The following TBL1XR1 variants were observed in gnomAD, a reference collection of about 807,000 sequenced individuals.
TBL1XR1 encodes the protein TBL1X/Y related 1.
Under a neutral mutation model 66.9 loss-of-function variants are expected in TBL1XR1, and 5 were observed. The ratio of observed to expected loss-of-function variants is 0.07; its 90% confidence interval spans 0.04 to 0.16. The LOEUF is 0.16. Among genes scored for constraint, TBL1XR1 ranks in the 10% least tolerant of loss-of-function variants. The probability of loss-of-function intolerance (pLI) is 1.00; values close to 1 mark genes in which losing one functional copy is unlikely to be tolerated. For missense variants in TBL1XR1, 238 were observed against 623.2 expected (o/e 0.38, Z 6.58); for synonymous variants, 210 against 206.0 (o/e 1.02, Z -0.17).
upstream of TBL1XR1, among the ~76,000 whole-genome samples, chr3:177,198,865 GACACACACACACACACACAC>G (rs57636923): frequency 2.8e-4 from 41 of 148,180 alleles, no homozygotes; most frequent in South Asian, 1.8e-3. Context: ...GAAGTTTTGC[GACACACACACACACACACAC>G]ACACACACAC....
chr3:177,150,420 T>A (rs1730747291), intron 1 of TBL1XR1, among the ~76,000 whole-genome samples: 1 of 152,194 alleles, frequency 6.6e-6, no homozygotes, highest in Non-Finnish European at 1.5e-5. Context: ...CCAAGCAGGA[T>A]GGATGCCTTC....
intron 1 of TBL1XR1, among the ~76,000 whole-genome samples, chr3:177,123,840 C>G (rs1226360825): frequency 6.6e-6 from 1 of 151,928 alleles, no homozygotes; most frequent in Admixed American, 6.6e-5. Flanking sequence ...GAACATAATT[C>G]CCTGAATCAG....
chr3:177,151,078 T>G (rs922523695), intron 1 of TBL1XR1, among the ~76,000 whole-genome samples: 1 of 152,214 alleles, frequency 6.6e-6, no homozygotes, highest in African/African-American at 2.4e-5. Flanking sequence ...TTAAACATGC[T>G]GTTCAACTCC....
At chr3:177,157,388 C>G (rs1325260627) in intron 1 of TBL1XR1, among the ~76,000 whole-genome samples, 2 of 152,128 alleles carry the variant, frequency 1.3e-5, no homozygotes, top group Non-Finnish European at 2.9e-5. Context: ...GTCCTATCAC[C>G]CTCTCACTAC....
chr3:177,066,194 G>C (rs551789928), intron 2 of TBL1XR1, among the ~76,000 whole-genome samples: 82 of 152,070 alleles, frequency 5.4e-4, no homozygotes, highest in Non-Finnish European at 8.5e-4. Context: ...CATTTGAGTA[G>C]GCTACCAGGT....
intron 2 of TBL1XR1, among the ~76,000 whole-genome samples, chr3:177,083,434 T>A (rs117365209): frequency 6.6e-6 from 1 of 152,314 alleles, no homozygotes; most frequent in East Asian, 1.9e-4. Context: ...CATAAGCAGG[T>A]CACAGCTTAA....
At position 177,180,035 on chromosome 3, in the gene TBL1XR1, G is replaced by C. The variant is rs183906128; in HGVS notation, c.-122+17086C>G. Among the ~76,000 whole-genome samples the C allele has an allele frequency of 8.2e-4, 124 of 152,050 alleles. 1 individual carries two copies. Among genetic ancestry groups the C allele is most frequent in the African/African-American group, 2.8e-3 (117 of 41,468 alleles). On this transcript the variant is annotated intron_variant, in intron 1 of 15. Coordinates refer to ENST00000457928, the MANE Select transcript of TBL1XR1 (RefSeq NM_024665.7). ...CAGGCAATCATGAGGTCAGGAGATC[G>C]AGACCATCCTGGCCAACATGGTGAA...
At chr3:177,073,934 G>A (rs1720363777) in intron 2 of TBL1XR1, among the ~76,000 whole-genome samples, 1 of 152,144 alleles carries the variant, frequency 6.6e-6, no homozygotes, top group South Asian at 2.1e-4. Context: ...CTTGAAACTA[G>A]TCTCTCTCTT....
intron 7 of TBL1XR1, 136 bp from the exon 8 acceptor site, chr3:177,047,685 T>C: frequency 1.1e-6 from 1 of 928,132 alleles, no homozygotes; most frequent in East Asian, 2.7e-5. Flanking sequence ...CAGTTTTGCC[T>C]ACTTGTGAGT....
At chr3:177,116,464 A>G (rs563814346) in intron 1 of TBL1XR1, among the ~76,000 whole-genome samples, 19 of 152,326 alleles carry the variant, frequency 1.2e-4, no homozygotes, top group African/African-American at 4.3e-4. Flanking sequence ...ACATTAGCAG[A>G]CTTTGGAAAT....
intron 1 of TBL1XR1, among the ~76,000 whole-genome samples, chr3:177,100,147 G>A (rs1264109795): frequency 2.6e-5 from 4 of 152,132 alleles, no homozygotes; most frequent in Non-Finnish European, 5.9e-5. Flanking sequence ...CCTGGGGCAC[G>A]AGGGTCACTT....
At chr3:177,097,653 T>A (rs1723666389) in intron 2 of TBL1XR1, among the ~76,000 whole-genome samples, 1 of 152,182 alleles carries the variant, frequency 6.6e-6, no homozygotes, top group Admixed American at 6.5e-5. Flanking sequence ...CTCCTTAAAA[T>A]GATTAATTAT....
chr3:177,052,670 G>A (rs1717255223), intron 4 of TBL1XR1, among the ~76,000 whole-genome samples: 1 of 152,130 alleles, frequency 6.6e-6, no homozygotes, highest in African/African-American at 2.4e-5. Flanking sequence ...ATCCATTTTA[G>A]TATATTATGT....
At chr3:177,121,789 C>A (rs184317074) in intron 1 of TBL1XR1, among the ~76,000 whole-genome samples, 3 of 152,016 alleles carry the variant, frequency 2.0e-5, no homozygotes, top group African/African-American at 7.2e-5. Context: ...TCCATTAAGG[C>A]TACCTTCATG....
intron 14 of TBL1XR1, 48 bp from the exon 15 acceptor site, chr3:177,026,522 A>G: frequency 3.0e-6 from 4 of 1,313,940 alleles, no homozygotes; most frequent in Non-Finnish European, 4.1e-6. Flanking sequence ...ACATATTATA[A>G]TAAATCCAAA....
intron 14 of TBL1XR1, chr3:177,027,324 C>T (rs1046156770): frequency 5.3e-5 from 8 of 152,114 alleles, no homozygotes; most frequent in Admixed American, 3.9e-4. Flanking sequence ...TCTTGAAAGA[C>T]GTTATATGTT....
At chr3:177,051,953 T>C (rs572620442) in intron 4 of TBL1XR1, among the ~76,000 whole-genome samples, 2 of 152,196 alleles carry the variant, frequency 1.3e-5, no homozygotes, top group African/African-American at 2.4e-5. Context: ...ATTATTACAG[T>C]ATAGAGCTGT....
chr3:177,147,860 C>A (rs562988550), intron 1 of TBL1XR1, among the ~76,000 whole-genome samples: 1 of 152,296 alleles, frequency 6.6e-6, no homozygotes, highest in East Asian at 1.9e-4. Flanking sequence ...AGAAGGGAAG[C>A]AACTGTTTTT....
At chr3:177,050,387 G>T in intron 6 of TBL1XR1, 91 bp downstream of exon 6, 1 of 1,469,470 alleles carries the variant, frequency 6.8e-7, no homozygotes, top group Non-Finnish European at 9.1e-7. Flanking sequence ...CCACAACTAA[G>T]CAACAACAGA....
Sources: allele counts gnomAD v4.1 joint callset (sites outside exome capture counted in the v4.1 genomes callset), GRCh38; gene constraint gnomAD v4.1.1; transcripts MANE v1.5; gene names NCBI Gene and HGNC (gene_info 2026-07-23, HGNC 2026-07-21).